Variants in FHDC1 observed in about 807,000 individuals in gnomAD.
The protein encoded by FHDC1 is FH2 domain-containing protein 1.
FHDC1 carries 25 observed loss-of-function variants against 52.6 expected under a neutral mutation model. The ratio of observed to expected loss-of-function variants is 0.48; its 90% CI spans 0.35 to 0.66. The LOEUF (loss-of-function observed/expected upper bound fraction) is 0.66, where lower values mean the gene tolerates loss of function less well. Among genes scored for constraint, FHDC1 ranks in the 30% least tolerant of loss-of-function variants. FHDC1 has a pLI of 0.01. For missense variants in FHDC1, 1,459 were observed against 1,452.8 expected (o/e 1.00, Z -0.07); for synonymous variants, 616 against 581.5 (o/e 1.06, Z -0.85).
chr4:152,943,572 G>A lies in FHDC1; in HGVS notation c.498+17G>A, dbSNP rs1158769530. 1 of 1,601,888 alleles carries A rather than the reference G, an allele frequency of 6.2e-7. No homozygotes were observed. The highest frequency in any genetic ancestry group is 1.7e-5 in the Admixed American group (1 of 59,158). On this transcript the variant is annotated intron_variant, in intron 2 of 11. Coordinates refer to ENST00000511601, the MANE Select transcript of FHDC1 (RefSeq NM_001371116.1). ...CGAGAAGAGGTAAGAATGCAAGGTG[G>A]AGGGCTAATCCTCCACACACTGCAT... is the stretch of plus-strand genomic sequence containing the variant.
chr4:152,923,305 C>A, the FHDC1 span, among the ~76,000 whole-genome samples: 2 of 151,992 alleles, frequency 1.3e-5, no homozygotes, highest in Non-Finnish European at 2.9e-5. Flanking sequence ...TTACAAGGGA[C>A]GTGAAGGACC....
chr4:152,915,577 G>A, the FHDC1 span, among the ~76,000 whole-genome samples: 1 of 152,182 alleles, frequency 6.6e-6, no homozygotes, highest in African/African-American at 2.4e-5. Flanking sequence ...ATGTCAGGAT[G>A]TTACCTAAGA....
At chr4:152,932,539 A>C (rs1739271265), upstream of FHDC1, among the ~76,000 whole-genome samples, 1 of 152,250 alleles carries the variant, frequency 6.6e-6, no homozygotes. Flanking sequence ...GAGGATTGGC[A>C]AGCCTTTGCA....
At chr4:152,963,771 T>G (rs1173809959) in intron 8 of FHDC1, among the ~76,000 whole-genome samples, 3 of 34,366 alleles carry the variant, frequency 8.7e-5, no homozygotes, top group South Asian at 1.5e-3. Flanking sequence ...ATTGCTTTGT[T>G]TTTTTTTTTT....
rs550099364 is a variant in FHDC1, at chr4:152,976,953, C to G, written c.*230C>G. 5.6e-5 allele frequency: 23 copies of G among 408,812 alleles called. No individual in the cohort carries two copies. The South Asian group carries it at 1.1e-3, about 19-fold the overall frequency. The allele number at this position is 408,812 out of a possible 1,614,324, so 25.3% of individuals were successfully genotyped here. A position where few individuals can be genotyped will look rare whatever the true frequency, so the allele number is the denominator to read the frequency against. ...GATGGATGCACGTTCACTACTGTGA[C>G]GGCCGCACCTCCCCCATGCACCCCA... On this transcript the variant is annotated 3_prime_UTR_variant, in exon 12 of 12. Coordinates refer to ENST00000511601, the MANE Select transcript of FHDC1 (RefSeq NM_001371116.1).
chr4:152,931,598 C>T (rs1351537869), upstream of FHDC1, among the ~76,000 whole-genome samples: 1 of 151,948 alleles, frequency 6.6e-6, no homozygotes, highest in Non-Finnish European at 1.5e-5. Context: ...TACCTCATTC[C>T]TGTATGTTGG....
At chr4:152,972,859 T>C (rs1370673983) in intron 11 of FHDC1, among the ~76,000 whole-genome samples, 1 of 152,214 alleles carries the variant, frequency 6.6e-6, no homozygotes, top group Non-Finnish European at 1.5e-5. Flanking sequence ...TGTCATACCA[T>C]TTAAAAGTCT....
chr4:152,971,265 A>G (rs1740628260), intron 10 of FHDC1, among the ~76,000 whole-genome samples: 1 of 152,064 alleles, frequency 6.6e-6, no homozygotes. Flanking sequence ...CCGAGGTGGG[A>G]GGATTGCTTG....
the FHDC1 span, among the ~76,000 whole-genome samples, chr4:152,929,482 T>C: frequency 2.0e-5 from 3 of 152,300 alleles, no homozygotes; most frequent in East Asian, 5.8e-4. This position sits in a 1 kb window ranked among gnomAD's most constrained non-coding sequence, Gnocchi z 4.1. Flanking sequence ...AGAAACAGAA[T>C]GGGAGGCAGG....
intron 8 of FHDC1, among the ~76,000 whole-genome samples, chr4:152,964,286 T>C (rs181887012): frequency 6.6e-6 from 1 of 152,326 alleles, no homozygotes; most frequent in East Asian, 1.9e-4. Context: ...TGGGACTTAA[T>C]TGAAAGGTTA....
rs765366338 is a variant in FHDC1, at chr4:152,962,794, T to C, written c.851-20T>C. On this transcript the variant is annotated intron_variant, in intron 6 of 11. Transcript: ENST00000511601. ...AACTGAAGGCATCTCTAAGGTGCTGTGATGTGTTCTTTTTGATAGAACTGA... is the reference window on the plus strand; with the variant it reads ...AACTGAAGGCATCTCTAAGGTGCTGCGATGTGTTCTTTTTGATAGAACTGA... 6.2e-7 allele frequency: 1 copy of C among 1,609,464 alleles called. No individual in the cohort carries two copies. Among genetic ancestry groups the C allele is most frequent in the East Asian group, 2.2e-5 (1 of 44,860 alleles).
chr4:152,942,234 T>G (rs903591500), intron 1 of FHDC1, among the ~76,000 whole-genome samples: 6 of 152,174 alleles, frequency 3.9e-5, no homozygotes, highest in African/African-American at 1.2e-4. Context: ...TCTCCTAATT[T>G]TACAAATGAG....
intron 1 of FHDC1, among the ~76,000 whole-genome samples, chr4:152,939,566 C>T (rs1301165185): frequency 1.3e-5 from 2 of 152,064 alleles, no homozygotes; most frequent in Non-Finnish European, 2.9e-5. Flanking sequence ...TTTTTGTCTG[C>T]CAATTAACTA....
rs1398834170 is a variant in FHDC1, at chr4:152,968,292, TA to T, written c.1218+196del. On this transcript the variant is annotated intron_variant, in intron 10 of 11. Coordinates refer to ENST00000511601, the MANE Select transcript of FHDC1 (RefSeq NM_001371116.1). ...TGTTAAATGTGATCTAAGCCTGATATATTTTTTTTTTTTGTCTCTTCGTTTG... is the reference window on the plus strand; with the variant it reads ...TGTTAAATGTGATCTAAGCCTGATATTTTTTTTTTTTTGTCTCTTCGTTTG... 2.7e-5 allele frequency among the ~76,000 whole-genome samples: 4 copies of T among 149,856 alleles called. 1 individual carries two copies. Among genetic ancestry groups the T allele is most frequent in the South Asian group, 2.1e-4 (1 of 4,736 alleles).
At chr4:152,971,514 A>G (rs976094378) in intron 10 of FHDC1, among the ~76,000 whole-genome samples, 1 of 152,196 alleles carries the variant, frequency 6.6e-6, no homozygotes, top group Non-Finnish European at 1.5e-5. Flanking sequence ...TGGACATGGC[A>G]GATTCCATGC....
Position 152,943,466 on chromosome 4 carries a change from C to T in FHDC1, c.409C>T (p.Leu137Phe), listed in dbSNP as rs1419056924. 6.2e-7 allele frequency: 1 copy of T among 1,614,114 alleles called. No individual in the cohort carries two copies. Among genetic ancestry groups the T allele is most frequent in the Non-Finnish European group, 8.5e-7 (1 of 1,180,036 alleles). Residue 137 changes from leucine to phenylalanine, a missense_variant, in exon 2 of 12, where the codon CTC (leucine) becomes TTC (phenylalanine). By Grantham distance (22) the Leu-to-Phe change is conservative. Around this residue, in one of 3 missense-constraint regions of FHDC1, gnomAD observed 513 missense variants for 581.5 expected, o/e 0.88. Coordinates refer to ENST00000511601, the MANE Select transcript of FHDC1 (RefSeq NM_001371116.1). Reference sequence around the variant, plus strand: ...AATTGATACAAAGACCATTGAGGAGCTCTTTGGGCAGCAGGAAGACACCAC... The same window carrying T: ...AATTGATACAAAGACCATTGAGGAGTTCTTTGGGCAGCAGGAAGACACCAC... ...YQIDTKTIEE[L>F]FGQQEDTTKS...
At chr4:152,969,672 T>G (rs34816685) in intron 10 of FHDC1, among the ~76,000 whole-genome samples, 7 of 151,104 alleles carry the variant, frequency 4.6e-5, no homozygotes, top group Non-Finnish European at 7.4e-5. Flanking sequence ...GTCGTTTTTT[T>G]TTTTTTTTTT....
chr4:152,926,542 G>C, the FHDC1 span, among the ~76,000 whole-genome samples: 1 of 150,132 alleles, frequency 6.7e-6, no homozygotes, highest in African/African-American at 2.5e-5. Flanking sequence ...TGCAGTGTGA[G>C]GTGATGCCAT....
rs771348046 is a variant in FHDC1 at position 152,976,235 on chromosome 4, A to G, written c.2944A>G (p.Lys982Glu). The part of the protein sequence containing the change: ...DVPLQPRGSF[K>E]KPSAKPLRNL... ...TCCCCTGCAGCCCAGGGGTTCTTTC[A>G]AGAAGCCCAGTGCCAAACCACTCAG... Residue 982 changes from lysine (K) to glutamate (E), a missense_variant, in exon 12 of 12, where the codon AAG becomes GAG. Coordinates refer to ENST00000511601, the MANE Select transcript of FHDC1 (RefSeq NM_001371116.1). The G allele has an allele frequency of 2.5e-6, 4 of 1,613,122 alleles. No homozygotes were observed. Among genetic ancestry groups the G allele is most frequent in the Non-Finnish European group, 3.4e-6 (4 of 1,179,892 alleles).
Sources: allele counts gnomAD v4.1 joint callset (sites outside exome capture counted in the v4.1 genomes callset), GRCh38; gene constraint gnomAD v4.1.1; regional missense constraint gnomAD v4.1.1; non-coding constraint Gnocchi (gnomAD v3.1); transcripts MANE v1.5; gene names NCBI Gene and HGNC (gene_info 2026-07-23, HGNC 2026-07-21).